The following USP34 variants were observed in gnomAD, a reference collection of about 807,000 sequenced individuals.
The protein encoded by USP34 is ubiquitin specific peptidase 34.
USP34 carries 70 observed loss-of-function variants against 460.3 expected under a neutral mutation model. The observed-to-expected ratio is 0.15, with a 90% CI of 0.13 to 0.19. The LOEUF (loss-of-function observed/expected upper bound fraction) is 0.19, where lower values mean the gene tolerates loss of function less well. Ranked by LOEUF, USP34 falls within the 10% of genes least tolerant of loss-of-function variation. The pLI is 1.00. For synonymous variants in USP34, 1,647 were observed against 1,405.3 expected, an observed-to-expected ratio of 1.17 and a Z score of -3.85; for missense variants, 3,985 against 4,236.2, an observed-to-expected ratio of 0.94 and a Z score of 1.65.
At chr2:61,232,094 T>G (rs947889392) in intron 58 of USP34, among the ~76,000 whole-genome samples, 3 of 152,110 alleles carry the variant, frequency 2.0e-5, no homozygotes, top group African/African-American at 7.2e-5. Flanking sequence ...TCATTAGCTT[T>G]TGAGGTCACT....
intron 10 of USP34, among the ~76,000 whole-genome samples, chr2:61,365,200 T>C (rs1190591044): frequency 3.4e-5 from 5 of 147,912 alleles, no homozygotes; most frequent in African/African-American, 1.3e-4. Flanking sequence ...TGCAGTAAGC[T>C]GAGATTGCCC....
chr2:61,336,987 CATG>C (rs1378091215), intron 18 of USP34, among the ~76,000 whole-genome samples: 2 of 152,074 alleles, frequency 1.3e-5, no homozygotes, highest in African/African-American at 4.8e-5. Context: ...TTAATGGCTG[CATG>C]ATATTTAATC....
chr2:61,417,260 C>G, intron 2 of USP34: 1 of 1,149,298 alleles, frequency 8.7e-7, no homozygotes, highest in Non-Finnish European at 1.3e-6. Context: ...CTCCAAGGTC[C>G]CTTAGAGCAA....
rs972634826 is a variant in USP34, at chr2:61,470,925, G to T, written c.-233C>A. On this transcript the variant is annotated 5_prime_UTR_variant, in exon 1 of 80. Transcript: ENST00000398571. ...GGAGCGAGGGGAGGTGCGCAGGCCG[G>T]AGGGGCGCCGAGGCGCCGGCGGCGG... Among the ~76,000 whole-genome samples, 1 of 135,564 alleles carries T rather than the reference G, an allele frequency of 7.4e-6. No individual in the cohort carries two copies. The highest frequency in any genetic ancestry group is 2.7e-5 in the African/African-American group (1 of 37,224). The allele number at this position is 135,564 out of a possible 152,430, so 88.9% of individuals were successfully genotyped here.
At chr2:61,306,907 C>T (rs1490619076) in intron 27 of USP34, among the ~76,000 whole-genome samples, 9 of 152,078 alleles carry the variant, frequency 5.9e-5, no homozygotes, top group Admixed American at 1.3e-4. Context: ...GACAGTGTGG[C>T]GATTCCTCAG....
chr2:61,215,754 T>G (rs1351059922), intron 67 of USP34, among the ~76,000 whole-genome samples: 2 of 152,220 alleles, frequency 1.3e-5, no homozygotes, highest in African/African-American at 4.8e-5. Flanking sequence ...ATAACTATAA[T>G]AAGAATTGTG....
At chr2:61,237,745 A>AT (rs1217415827) in intron 53 of USP34, among the ~76,000 whole-genome samples, 1,611 of 132,810 alleles carry the variant, frequency 0.012, 27 homozygotes, top group African/African-American at 0.04. Context: ...TTATTTTTGT[A>AT]TTTTTTTTTT....
At chr2:61,345,878 C>T (rs1484062026) in intron 15 of USP34, among the ~76,000 whole-genome samples, 1 of 152,148 alleles carries the variant, frequency 6.6e-6, no homozygotes, top group Non-Finnish European at 1.5e-5. Flanking sequence ...CTCAAACGAT[C>T]CTCCTGCCTT....
intron 2 of USP34, among the ~76,000 whole-genome samples, chr2:61,415,609 T>C (rs1407635364): frequency 6.6e-6 from 1 of 152,178 alleles, no homozygotes; most frequent in Non-Finnish European, 1.5e-5. Context: ...TAGAGGTTAA[T>C]ATCAAAACCA....
chr2:61,403,512 CT>C (rs1693780458), intron 3 of USP34, among the ~76,000 whole-genome samples: 1 of 152,054 alleles, frequency 6.6e-6, no homozygotes, highest in South Asian at 2.1e-4. Context: ...CCTGATGGGA[CT>C]TTCTTTTGTT....
chr2:61,337,936 T>A (rs538304865), intron 18 of USP34, among the ~76,000 whole-genome samples: 96 of 152,356 alleles, frequency 6.3e-4, no homozygotes, highest in African/African-American at 2.3e-3. Flanking sequence ...TCACAAAGAC[T>A]TTTAAAAGAA....
chr2:61,340,156 A>G (rs1310498739), intron 16 of USP34, among the ~76,000 whole-genome samples: 1 of 152,210 alleles, frequency 6.6e-6, no homozygotes, highest in Non-Finnish European at 1.5e-5. Flanking sequence ...AATTATTTAA[A>G]CAGACATACC....
chr2:61,452,378 G>A (rs1043118374), intron 1 of USP34, among the ~76,000 whole-genome samples: 7 of 133,606 alleles, frequency 5.2e-5, no homozygotes, highest in Admixed American at 3.3e-4. Context: ...AGGCTAGAGT[G>A]TAGTGGCGCG....
At chr2:61,229,471 A>AC (rs1418499658) in intron 59 of USP34, 77 bp downstream of exon 59, 17 of 693,282 alleles carry the variant, frequency 2.5e-5, no homozygotes, top group South Asian at 1.8e-4. Flanking sequence ...AAAAAAAAAA[A>AC]AAAACAAAAA....
Position 61,343,717 on chromosome 2 carries a change from A to C in USP34, c.2500+98T>G. 3 of 1,275,700 alleles carry C rather than the reference A, an allele frequency of 2.4e-6. No individual in the cohort carries two copies. In the East Asian group the frequency reaches 7.3e-5, roughly 31 times the overall value. The allele number at this position is 1,275,700 out of a possible 1,614,324, so 79.0% of individuals were successfully genotyped here. A position where few individuals can be genotyped will look rare whatever the true frequency, so the allele number is the denominator to read the frequency against. ...TAAGTTATTTTGACAAAAACATTTA[A>C]GTACCATAACCTTAACTATTGAGTC... On this transcript the variant is annotated intron_variant, in intron 16 of 79. Coordinates refer to ENST00000398571, the MANE Select transcript of USP34 (RefSeq NM_014709.4).
chr2:61,292,372 T>G (rs1689883976), intron 33 of USP34, among the ~76,000 whole-genome samples: 1 of 152,204 alleles, frequency 6.6e-6, no homozygotes, highest in African/African-American at 2.4e-5. Flanking sequence ...GCTTTGCATC[T>G]TGGGCATTAT....
chr2:61,228,068 G>A (rs1024813999), intron 61 of USP34, among the ~76,000 whole-genome samples: 11 of 152,152 alleles, frequency 7.2e-5, no homozygotes, highest in African/African-American at 2.7e-4. Flanking sequence ...TAGTCTGACC[G>A]AGGATCAAAG....
intron 1 of USP34, among the ~76,000 whole-genome samples, chr2:61,453,714 CAAAAAAAAAAAAA>C (rs1169951643): frequency 3.1e-5 from 1 of 31,934 alleles, no homozygotes. Flanking sequence ...CATTCCATCT[CAAAAAAAAAAAAA>C]AAAAAAAAGG....
rs78206679 is a variant in USP34, at chr2:61,251,908, G to A, written c.6222-3225C>T. ...TGATATACTGTATATACGTGACTGT[G>A]CATTTGTTTCATCTTTCCGTACTCA... On this transcript the variant is annotated intron_variant, in intron 48 of 79. Coordinates refer to ENST00000398571, the MANE Select transcript of USP34 (RefSeq NM_014709.4). Among the ~76,000 whole-genome samples the A allele has an allele frequency of 1.8e-3, 275 of 151,640 alleles. 6 individuals carry two copies. The East Asian group carries it at 0.045, about 25-fold the overall frequency.
Sources: allele counts gnomAD v4.1 joint callset (sites outside exome capture counted in the v4.1 genomes callset), GRCh38; gene constraint gnomAD v4.1.1; transcripts MANE v1.5; gene names NCBI Gene and HGNC (gene_info 2026-07-23, HGNC 2026-07-21).